Variants in CBR4 observed in about 807,000 individuals in gnomAD.
CBR4 encodes the protein carbonyl reductase 4.
In CBR4, 22 loss-of-function variants were observed where a neutral mutation model predicts 21.0. That is an observed-to-expected ratio of 1.05 (90% CI 0.75 to 1.50). The LOEUF is 1.50. CBR4 is among the 40% of genes most tolerant of loss of function. The pLI is 0.00. For missense variants in CBR4, 302 were observed against 286.3 expected (o/e 1.05, Z -0.40); for synonymous variants, 100 against 104.4 (o/e 0.96, Z 0.26).
At position 168,904,194 on chromosome 4, in the gene CBR4, A is replaced by G. The variant is rs1249670284; in HGVS notation, n.170-9429T>C. On this transcript the variant is annotated intron_variant and non_coding_transcript_variant, in intron 2 of 3. Coordinates refer to the CBR4 transcript ENST00000509108. ...ATGGGGTTGCAGTGGTAGACTGGAC[A>G]AAGTCCTATGGTAAAAAATAAGCAA... is the stretch of plus-strand genomic sequence containing the variant. 1.1e-4 allele frequency: 45 copies of G among 392,678 alleles called. No individual in the cohort carries two copies. In the Middle Eastern group the frequency reaches 4.6e-3, roughly 40 times the overall value. 24.3% of individuals were successfully genotyped at this position (392,678 alleles called of 1,614,324 possible). A position where few individuals can be genotyped will look rare whatever the true frequency, so the allele number is the denominator to read the frequency against.
intron 2 of CBR4, among the ~76,000 whole-genome samples, chr4:168,960,291 A>T (rs146148619): frequency 3.9e-5 from 6 of 152,342 alleles, no homozygotes; most frequent in Admixed American, 3.9e-4. Context: ...TAACGCAGTA[A>T]ACATTTCTCC....
At position 168,926,847 on chromosome 4, in the gene CBR4, T is replaced by C. The variant is rs1582267455; in HGVS notation, n.170-32082A>G. 4 of 221,166 alleles carry C rather than the reference T, an allele frequency of 1.8e-5. No homozygotes were observed. In the East Asian group the frequency reaches 2.7e-4, roughly 15 times the overall value. 13.7% of individuals were successfully genotyped at this position (221,166 alleles called of 1,614,324 possible). On this transcript the variant is annotated intron_variant and non_coding_transcript_variant, in intron 2 of 3. Transcript: ENST00000509108. ...CAGATACAGTGAACCAAGTGCAATA[T>C]GTAAGGATGAAAGAAGAAGAGATGA... is the stretch of plus-strand genomic sequence containing the variant.
In CBR4 at chr4:168,987,907, G is replaced by C. The variant is rs1764746179; in HGVS notation, c.*2243C>G. On this transcript the variant is annotated 3_prime_UTR_variant, in exon 5 of 5. Coordinates refer to ENST00000306193, the MANE Select transcript of CBR4 (RefSeq NM_032783.5). Reference sequence around the variant, plus strand: ...TATGAAAAAGAGCACAAATTTTAAAGCCCTCCATGCAAAAAAAAATTAATA... The same window carrying C: ...TATGAAAAAGAGCACAAATTTTAAACCCCTCCATGCAAAAAAAAATTAATA... 14 of 982,696 alleles carry C rather than the reference G, an allele frequency of 1.4e-5. No individual in the cohort carries two copies. The highest frequency in any genetic ancestry group is 1.7e-5 in the Non-Finnish European group (14 of 827,768). The allele number at this position is 982,696 out of a possible 1,614,324, so 60.9% of individuals were successfully genotyped here. A position where few individuals can be genotyped will look rare whatever the true frequency, so the allele number is the denominator to read the frequency against.
chr4:168,926,199 C>A, intron 2 of CBR4: 2 of 1,504,494 alleles, frequency 1.3e-6, no homozygotes, highest in Non-Finnish European at 1.8e-6. Flanking sequence ...TTAATTTACT[C>A]TTTTTCTTTG....
intron 2 of CBR4, among the ~76,000 whole-genome samples, chr4:168,916,727 C>A (rs1193828594): frequency 7.0e-6 from 1 of 142,824 alleles, no homozygotes; most frequent in Non-Finnish European, 1.5e-5. Flanking sequence ...TGTCACCAGG[C>A]TGGAGTGCAG....
In CBR4 at chr4:168,913,927, G is replaced by A. The variant is rs2151407432; in HGVS notation, n.170-19162C>T. 1 of 1,600,598 alleles carries A rather than the reference G, an allele frequency of 6.2e-7. No individual in the cohort carries two copies. Among genetic ancestry groups the A allele is most frequent in the East Asian group, 2.2e-5 (1 of 44,792 alleles). On this transcript the variant is annotated intron_variant and non_coding_transcript_variant, in intron 2 of 3. Transcript: ENST00000509108. ...CATTTATTTCCTGATATTTCTACAG[G>A]GCCGCATCAGTTGTACTGGACGGCT...
chr4:168,986,896 C>A (rs925568750), downstream of CBR4, among the ~76,000 whole-genome samples: 2 of 152,118 alleles, frequency 1.3e-5, no homozygotes, highest in African/African-American at 4.8e-5. Context: ...GAGCTGTGAT[C>A]ATGCCACTGC....
In CBR4 at chr4:168,921,699, C is replaced by A. The variant is rs1304987799; in HGVS notation, n.170-26934G>T. 2.5e-6 allele frequency: 4 copies of A among 1,611,522 alleles called. No homozygotes were observed. Among genetic ancestry groups the A allele is most frequent in the Non-Finnish European group, 3.4e-6 (4 of 1,179,790 alleles). On this transcript the variant is annotated intron_variant and non_coding_transcript_variant, in intron 2 of 3. Coordinates refer to the CBR4 transcript ENST00000509108. The stretch of plus-strand genomic sequence containing the variant: ...CATCTACACATGTATAGCTACCAAC[C>A]GAGCAGGACAGAACTCATTCAGCCT...
At chr4:168,986,281 G>T (rs1764689790), downstream of CBR4, among the ~76,000 whole-genome samples, 1 of 152,112 alleles carries the variant, frequency 6.6e-6, no homozygotes, top group Non-Finnish European at 1.5e-5. Flanking sequence ...ACAGATTTTG[G>T]TATTCTCAGA....
chr4:168,914,679 T>C (rs943125733), intron 2 of CBR4, among the ~76,000 whole-genome samples: 7 of 152,214 alleles, frequency 4.6e-5, no homozygotes, highest in African/African-American at 1.7e-4. Context: ...AAGTCAACCA[T>C]CCTGTCAACT....
chr4:168,907,439 C>T (rs543544104), intron 2 of CBR4, among the ~76,000 whole-genome samples: 1 of 152,254 alleles, frequency 6.6e-6, no homozygotes, highest in South Asian at 2.1e-4. Context: ...TTATCACCTC[C>T]ATGGGAAAGG....
chr4:168,924,234 A>T, intron 2 of CBR4: 1 of 1,323,526 alleles, frequency 7.6e-7, no homozygotes, highest in Non-Finnish European at 1.1e-6. Flanking sequence ...TTGATAGAGA[A>T]TTCATCTCAT....
intron 2 of CBR4, among the ~76,000 whole-genome samples, chr4:168,912,874 C>T (rs551937722): frequency 2.0e-5 from 3 of 152,164 alleles, no homozygotes; most frequent in African/African-American, 4.8e-5. Flanking sequence ...TCCCCGACCC[C>T]ACCACCCCGT....
chr4:168,960,198 G>A (rs1239802027), intron 2 of CBR4, among the ~76,000 whole-genome samples: 1 of 152,154 alleles, frequency 6.6e-6, no homozygotes, highest in Non-Finnish European at 1.5e-5. Context: ...TGGTAAAAGA[G>A]GGTAATTTCT....
At chr4:168,930,162 T>G (rs4529010) in intron 2 of CBR4, among the ~76,000 whole-genome samples, 6,455 of 152,298 alleles carry the variant, frequency 0.042, 232 homozygotes, top group Middle Eastern at 0.068. Flanking sequence ...TTATAGGCAT[T>G]TGTATTATAA....
At chr4:168,978,820 C>T (rs1764452612) in intron 2 of CBR4, among the ~76,000 whole-genome samples, 1 of 152,198 alleles carries the variant, frequency 6.6e-6, no homozygotes, top group African/African-American at 2.4e-5. Flanking sequence ...AACTACAGGC[C>T]TTGCCCCAAC....
chr4:168,924,881 T>C (rs1762271982), intron 2 of CBR4: 3 of 1,513,942 alleles, frequency 2.0e-6, no homozygotes, highest in Middle Eastern at 1.7e-4. Context: ...TTAAAAATGA[T>C]GCTTCATGTC....
At chr4:168,944,370 C>G (rs1449484460) in intron 2 of CBR4, among the ~76,000 whole-genome samples, 2 of 151,950 alleles carry the variant, frequency 1.3e-5, no homozygotes, top group East Asian at 3.9e-4. Context: ...CCCAGCTATT[C>G]AGGAGGCTAT....
intron 2 of CBR4, among the ~76,000 whole-genome samples, chr4:168,975,765 G>A (rs1427266886): frequency 6.6e-6 from 1 of 152,122 alleles, no homozygotes; most frequent in Non-Finnish European, 1.5e-5. Flanking sequence ...ACTTGCTGTG[G>A]CCACTATGTA....
Sources: gnomAD v4.1 joint callset for allele counts (sites outside exome capture counted in the v4.1 genomes callset) on GRCh38, gnomAD v4.1.1 for gene constraint, MANE v1.5 for transcripts, NCBI Gene and HGNC (gene_info 2026-07-23, HGNC 2026-07-21) for gene names.